RXRA: variants seen among roughly 807,000 people sequenced by gnomAD.
RXRA encodes the protein retinoid X receptor alpha, also known as retinoic acid receptor RXR-alpha.
RXRA carries 5 observed loss-of-function variants against 44.5 expected under a neutral mutation model. That is an observed-to-expected ratio of 0.11 (90% confidence interval 0.06 to 0.24). RXRA has a LOEUF of 0.24. RXRA is among the 10% of genes least tolerant of loss of function. The pLI, the probability that RXRA is intolerant of heterozygous loss-of-function variation, is 1.00. For missense variants in RXRA, 412 were observed against 646.5 expected, an observed-to-expected ratio of 0.64 and a Z score of 3.93; for synonymous variants, 291 against 271.4, an observed-to-expected ratio of 1.07 and a Z score of -0.71.
At chr9:134,405,365 A>C (rs1290182083) in intron 2 of RXRA, 1 of 152,254 alleles carries the variant, frequency 6.6e-6, no homozygotes, top group Non-Finnish European at 1.5e-5. Flanking sequence ...GCAGAGGCTC[A>C]CCGGGCCCTG....
At chr9:134,425,563 T>G (rs868391382) in intron 6 of RXRA, 3,225 of 121,716 alleles carry the variant, frequency 0.026, no homozygotes, top group Admixed American at 0.17. Flanking sequence ...TGGGGGGGGG[T>G]GAGGGGGGTG....
intron 1 of RXRA, chr9:134,379,470 G>A (rs1428317078): frequency 3.0e-6 from 3 of 987,008 alleles, no homozygotes; most frequent in Non-Finnish European, 2.4e-6. Flanking sequence ...AGTGGAGGAG[G>A]GCCCCCAGGA....
chr9:134,379,521 G>A (rs1297613758), intron 1 of RXRA: 1 of 986,230 alleles, frequency 1.0e-6, no homozygotes, highest in Non-Finnish European at 1.2e-6. Flanking sequence ...GGCAGGCACT[G>A]CCAGTGGCCG....
In RXRA at chr9:134,432,265, C is replaced by T. The variant is rs369256744; in HGVS notation, c.1135+269C>T. ...GGGCTTGGTGGTGCCGTCTGGGCTCCGCGGTTCATAGTGTTCATCACTGTG... is the reference window on the plus strand; with the variant it reads ...GGGCTTGGTGGTGCCGTCTGGGCTCTGCGGTTCATAGTGTTCATCACTGTG... On this transcript the variant is annotated intron_variant, in intron 8 of 9. Coordinates refer to ENST00000481739, the MANE Select transcript of RXRA (RefSeq NM_002957.6). Among the ~76,000 whole-genome samples the T allele has an allele frequency of 4.6e-5, 7 of 152,216 alleles. No individual in the cohort carries two copies. In the South Asian group the frequency reaches 1.0e-3, roughly 23 times the overall value.
chr9:134,357,897 G>GCGGA (rs1830301871), intron 1 of RXRA, among the ~76,000 whole-genome samples: 1 of 152,254 alleles, frequency 6.6e-6, no homozygotes, highest in African/African-American at 2.4e-5. Context: ...GCAGTCTACA[G>GCGGA]CGGACCCTGT....
chr9:134,326,707 CGGCGGGCGGGA>C, intron 1 of RXRA, 48 bp downstream of exon 1: 1 of 470,994 alleles, frequency 2.1e-6, no homozygotes, highest in Non-Finnish European at 2.7e-6. Context: ...GGCCGGGGGC[CGGCGGGCGGGA>C]GGGGGCCGGG....
rs1429921930 is a variant in RXRA, at chr9:134,440,301, C to A, written c.*3687C>A. The A allele has an allele frequency of 6.6e-6, 1 of 152,252 alleles. No homozygotes were observed. Among genetic ancestry groups the A allele is most frequent in the Non-Finnish European group, 1.5e-5 (1 of 68,010 alleles). The allele number at this position is 152,252 out of a possible 1,614,324, so 9.4% of individuals were successfully genotyped here. A position where few individuals can be genotyped will look rare whatever the true frequency, so the allele number is the denominator to read the frequency against. On this transcript the variant is annotated 3_prime_UTR_variant, in exon 10 of 10. Transcript: ENST00000481739. ...GAGGAAACCGCCGCAATGGGGGTGT[C>A]TTCCCTCGGGGCAGGAGGGTGGGCC...
intron 1 of RXRA, among the ~76,000 whole-genome samples, chr9:134,345,794 CAA>C (rs1431990779): frequency 1.3e-4 from 20 of 152,306 alleles, no homozygotes; most frequent in African/African-American, 4.6e-4. Context: ...TGAAAATAAT[CAA>C]AGTCTTGACT....
At chr9:134,434,240 A>C in intron 9 of RXRA, 33 bp downstream of exon 9, 1 of 1,517,506 alleles carries the variant, frequency 6.6e-7, no homozygotes, top group South Asian at 1.1e-5. Flanking sequence ...CACACCCCAG[A>C]CCCAGGCTCT....
intron 6 of RXRA, chr9:134,425,777 C>T (rs903993646): frequency 3.0e-6 from 3 of 985,402 alleles, no homozygotes; most frequent in Non-Finnish European, 3.6e-6. Flanking sequence ...GACGGGATCC[C>T]CATCACAAGC....
intron 1 of RXRA, among the ~76,000 whole-genome samples, chr9:134,345,618 G>C (rs888103730): frequency 6.6e-6 from 1 of 152,194 alleles, no homozygotes; most frequent in Non-Finnish European, 1.5e-5. Context: ...CCCCGGCAGA[G>C]GCTGTCCCAC....
At chr9:134,386,456 T>C (rs543802671) in intron 1 of RXRA, among the ~76,000 whole-genome samples, 74 of 152,092 alleles carry the variant, frequency 4.9e-4, no homozygotes, top group Admixed American at 1.3e-3. Flanking sequence ...GCCTATGGAG[T>C]GTGGGACTCA....
intron 1 of RXRA, among the ~76,000 whole-genome samples, chr9:134,377,208 G>A (rs1830569108): frequency 6.6e-6 from 1 of 152,208 alleles, no homozygotes; most frequent in African/African-American, 2.4e-5. Context: ...TCATTTCTGG[G>A]GGCCTCTGGC....
chr9:134,328,649 G>C (rs1377159823), intron 1 of RXRA, among the ~76,000 whole-genome samples: 3 of 152,194 alleles, frequency 2.0e-5, no homozygotes, highest in Non-Finnish European at 2.9e-5. Context: ...GTCCATTTAA[G>C]CGGCTACTTT....
At chr9:134,414,776 G>C (rs910766224) in intron 4 of RXRA, among the ~76,000 whole-genome samples, 1 of 152,200 alleles carries the variant, frequency 6.6e-6, no homozygotes, top group Non-Finnish European at 1.5e-5. Context: ...TGGAGGTGCC[G>C]TACCCCTCAG....
At chr9:134,424,909 G>T in intron 6 of RXRA, 1 of 985,480 alleles carries the variant, frequency 1.0e-6, no homozygotes, top group Non-Finnish European at 1.2e-6. Flanking sequence ...AGCTCCGGCA[G>T]GTGCCAGGGC....
chr9:134,427,160 T>A (rs1219292776), intron 6 of RXRA: 4 of 981,736 alleles, frequency 4.1e-6, no homozygotes, highest in East Asian at 2.3e-4. Flanking sequence ...GATGTTTCAT[T>A]GGGCAAAAAC....
intron 6 of RXRA, chr9:134,427,247 C>T (rs1020838000): frequency 4.3e-5 from 36 of 841,288 alleles, no homozygotes; most frequent in South Asian, 3.2e-4. Flanking sequence ...GCGGCTGGCT[C>T]GGCTGAGCCC....
At chr9:134,328,930 G>A (rs984001407) in intron 1 of RXRA, among the ~76,000 whole-genome samples, 7 of 152,200 alleles carry the variant, frequency 4.6e-5, no homozygotes, top group African/African-American at 9.6e-5. Context: ...TGAGTGCAGC[G>A]TCCAGATCTG....
Sources: allele counts gnomAD v4.1 joint callset (sites outside exome capture counted in the v4.1 genomes callset), GRCh38; gene constraint gnomAD v4.1.1; transcripts MANE v1.5; gene names NCBI Gene and HGNC (gene_info 2026-07-23, HGNC 2026-07-21).